The following NINJ2 variants were observed in gnomAD, a reference collection of about 807,000 sequenced individuals.
The protein encoded by NINJ2 is ninjurin 2.
A neutral mutation model predicts 11.7 loss-of-function variants in NINJ2; 12 were observed. That is an observed-to-expected ratio of 1.02 (90% CI 0.66 to 1.66). The LOEUF (loss-of-function observed/expected upper bound fraction) is 1.66. Among genes scored for constraint, NINJ2 ranks in the 40% most tolerant of loss-of-function variants. NINJ2 has a pLI of 0.00. For synonymous variants in NINJ2, 93 were observed against 76.8 expected (o/e 1.21, Z -1.10); for missense variants, 187 against 181.8 (o/e 1.03, Z -0.16).
chr12:587,102 C>T (rs984706516), intron 1 of NINJ2, among the ~76,000 whole-genome samples: 14 of 152,222 alleles, frequency 9.2e-5, no homozygotes, highest in Non-Finnish European at 5.9e-5. Context: ...CTACTAAACA[C>T]CTGTGGGAGG....
intron 1 of NINJ2, among the ~76,000 whole-genome samples, chr12:597,238 C>A (rs538498540): frequency 6.6e-6 from 1 of 152,270 alleles, no homozygotes; most frequent in African/African-American, 2.4e-5. Context: ...AAGTCAGTTC[C>A]CCCTTCTGTG....
rs1248878029 is a variant in NINJ2, at chr12:572,978, T to C, written c.34-6800A>G. On this transcript the variant is annotated intron_variant, in intron 1 of 3. Coordinates refer to ENST00000305108, the MANE Select transcript of NINJ2 (RefSeq NM_016533.6). ...TTCAAGCAATTCTCCTGCCTCAGCC[T>C]CCCGAGTAGCTGGGATTACAGGTGT... Among the ~76,000 whole-genome samples, 5 of 146,252 alleles carry C rather than the reference T, an allele frequency of 3.4e-5. 1 individual carries two copies. Among genetic ancestry groups the C allele is most frequent in the African/African-American group, 5.1e-5 (2 of 39,160 alleles).
chr12:655,844 C>T (rs968411497), intron 1 of NINJ2, among the ~76,000 whole-genome samples: 19 of 151,944 alleles, frequency 1.3e-4, no homozygotes, highest in African/African-American at 3.4e-4. Context: ...ACCTGGGAAG[C>T]GGAGTTTGCA....
chr12:636,202 C>A (rs1029157456), intron 1 of NINJ2, among the ~76,000 whole-genome samples: 5 of 151,656 alleles, frequency 3.3e-5, no homozygotes, highest in Non-Finnish European at 7.4e-5. Context: ...CATGGAGAAA[C>A]CCCGTCTCTA....
intron 1 of NINJ2, among the ~76,000 whole-genome samples, chr12:649,382 A>G (rs565585857): frequency 6.6e-6 from 1 of 152,198 alleles, no homozygotes; most frequent in South Asian, 2.1e-4. Flanking sequence ...GCATATTCAG[A>G]TACAAAAAAT....
intron 1 of NINJ2, among the ~76,000 whole-genome samples, chr12:627,548 G>A (rs6489683): frequency 0.8 from 121,786 of 152,158 alleles, 49,050 homozygotes; most frequent in South Asian, 0.87. Flanking sequence ...GTGAAGCAAG[G>A]AAAATTCTAA....
chr12:566,179 C>T lies in NINJ2; in HGVS notation c.34-1G>A. On this transcript the variant is annotated splice_acceptor_variant, in intron 1 of 3. Coordinates refer to ENST00000305108, the MANE Select transcript of NINJ2 (RefSeq NM_016533.6). LOFTEE classifies it high-confidence loss of function. ...GGCTCCTGGGGTCGGAGCTTCCAGGCTGTAGGGGAGAAAGCACAGACTTAC... is the reference window on the plus strand; with the variant it reads ...GGCTCCTGGGGTCGGAGCTTCCAGGTTGTAGGGGAGAAAGCACAGACTTAC... 1 of 1,612,074 alleles carries T rather than the reference C, an allele frequency of 6.2e-7. No individual in the cohort carries two copies. The highest frequency in any genetic ancestry group is 1.3e-5 in the African/African-American group (1 of 74,964).
At chr12:634,566 A>G (rs191801129) in intron 1 of NINJ2, among the ~76,000 whole-genome samples, 85 of 152,036 alleles carry the variant, frequency 5.6e-4, no homozygotes, top group African/African-American at 1.7e-3. Flanking sequence ...GCCTAGTTGC[A>G]GTTCTTTTTC....
At position 596,636 on chromosome 12, in the gene NINJ2, T is replaced by A. The variant is rs142540795; in HGVS notation, c.34-30458A>T. ...GAAGAATTTTCCAAATATAAAAAAGTGGCAAGCTGAGTGCGGTGGCTCACA... is the reference window on the plus strand; with the variant it reads ...GAAGAATTTTCCAAATATAAAAAAGAGGCAAGCTGAGTGCGGTGGCTCACA... On this transcript the variant is annotated intron_variant, in intron 1 of 3. Transcript: ENST00000305108. Among the ~76,000 whole-genome samples the A allele has an allele frequency of 9.8e-4, 149 of 152,154 alleles. 2 individuals are homozygous for A. The highest frequency in any genetic ancestry group is 3.5e-3 in the African/African-American group (146 of 41,512).
intron 1 of NINJ2, among the ~76,000 whole-genome samples, chr12:612,725 C>G (rs2120948677): frequency 6.6e-6 from 1 of 152,260 alleles, no homozygotes; most frequent in South Asian, 2.1e-4. Flanking sequence ...GTCTCAGATG[C>G]TTTAGGTTCC....
At chr12:649,101 C>A (rs1937744598) in intron 1 of NINJ2, among the ~76,000 whole-genome samples, 1 of 151,442 alleles carries the variant, frequency 6.6e-6, no homozygotes, top group African/African-American at 2.4e-5. Context: ...GGCTGGACTG[C>A]AGTGGCGCGA....
intron 1 of NINJ2, among the ~76,000 whole-genome samples, chr12:637,652 AAAAG>A (rs1364546079): frequency 6.6e-6 from 1 of 151,406 alleles, no homozygotes; most frequent in Admixed American, 6.6e-5. Flanking sequence ...AAAAAAAAAA[AAAAG>A]AAAAAGAAAA....
chr12:621,279 C>T (rs1360756985), intron 1 of NINJ2, among the ~76,000 whole-genome samples: 4 of 151,192 alleles, frequency 2.6e-5, no homozygotes, highest in Non-Finnish European at 4.4e-5. Flanking sequence ...GAGATGCCAT[C>T]TCTATAAAAA....
chr12:637,018 G>A (rs911934654), intron 1 of NINJ2, among the ~76,000 whole-genome samples: 6 of 152,156 alleles, frequency 3.9e-5, no homozygotes, highest in Non-Finnish European at 7.3e-5. Flanking sequence ...AACCAAATGC[G>A]ATATATTCAT....
intron 1 of NINJ2, among the ~76,000 whole-genome samples, chr12:619,341 G>T (rs1055264457): frequency 6.6e-6 from 1 of 152,182 alleles, no homozygotes; most frequent in African/African-American, 2.4e-5. Flanking sequence ...TATGTTAATG[G>T]CCAAAGAGAA....
At chr12:566,230 G>C in intron 1 of NINJ2, 52 bp from the exon 2 acceptor site, 2 of 1,468,082 alleles carry the variant, frequency 1.4e-6, no homozygotes, top group Non-Finnish European at 1.9e-6. Context: ...AAGGGAAGCA[G>C]TTGAGAGGTG....
intron 1 of NINJ2, among the ~76,000 whole-genome samples, chr12:579,494 CAAAAACAAAACAAAACAAACA>C (rs1947516072): frequency 2.1e-5 from 3 of 139,546 alleles, no homozygotes; most frequent in Non-Finnish European, 3.1e-5. Flanking sequence ...CAAAACAAAA[CAAAAACAAAACAAAACAAACA>C]AAACAAAACA....
Position 610,525 on chromosome 12 carries a change from G to A in NINJ2, c.34-44347C>T, listed in dbSNP as rs528325008. On this transcript the variant is annotated intron_variant, in intron 1 of 3. Coordinates refer to ENST00000305108, the MANE Select transcript of NINJ2 (RefSeq NM_016533.6). Reference sequence around the variant, plus strand: ...GTGGGTCCCCACAGCGGCCAGCCCAGGGCCCTGCATGCAGCAGATGCCCAC... The same window carrying A: ...GTGGGTCCCCACAGCGGCCAGCCCAAGGCCCTGCATGCAGCAGATGCCCAC... The A allele has an allele frequency of 8.7e-6, 13 of 1,497,308 alleles. No individual in the cohort carries two copies. The African/African-American group carries it at 1.7e-4, about 19-fold the overall frequency. 92.8% of individuals were successfully genotyped at this position (1,497,308 alleles called of 1,614,324 possible). A position where few individuals can be genotyped will look rare whatever the true frequency, so the allele number is the denominator to read the frequency against.
chr12:603,294 G>C (rs1947896557), intron 1 of NINJ2, among the ~76,000 whole-genome samples: 1 of 152,148 alleles, frequency 6.6e-6, no homozygotes, highest in Admixed American at 6.6e-5. Flanking sequence ...AAAGTTGTAA[G>C]AGTGCTTTAT....
Sources: allele counts gnomAD v4.1 joint callset (sites outside exome capture counted in the v4.1 genomes callset), GRCh38; gene constraint gnomAD v4.1.1; transcripts MANE v1.5; gene names NCBI Gene and HGNC (gene_info 2026-07-23, HGNC 2026-07-21).